The following NALCN variants were observed in gnomAD, a reference collection of about 807,000 sequenced individuals.
NALCN encodes sodium leak channel, non-selective.
NALCN carries 111 observed loss-of-function variants against 225.3 expected under a neutral mutation model. The observed-to-expected ratio is 0.49, with a 90% CI of 0.42 to 0.58. NALCN has a LOEUF of 0.58. NALCN is among the 20% of genes least tolerant of loss of function. The pLI, the probability that NALCN is intolerant of heterozygous loss-of-function variation, is 0.00. For synonymous variants in NALCN, 764 were observed against 769.0 expected (o/e 0.99, Z 0.11); for missense variants, 1,378 against 2,202.4 (o/e 0.63, Z 7.49).
upstream of NALCN, among the ~76,000 whole-genome samples, chr13:101,416,861 C>G (rs989568776): frequency 3.3e-5 from 5 of 152,042 alleles, no homozygotes; most frequent in African/African-American, 1.2e-4. Flanking sequence ...TGCCAGGAGG[C>G]CGGGAGCCCA....
intron 2 of NALCN, 75 bp downstream of exon 2, chr13:101,398,944 C>T (rs2047389477): frequency 2.1e-6 from 2 of 951,306 alleles, no homozygotes; most frequent in South Asian, 2.7e-5. Context: ...GCCAAAGGTA[C>T]ATGATATTTG....
At chr13:101,252,274 T>TTC (rs1449921803) in intron 11 of NALCN, among the ~76,000 whole-genome samples, 2 of 152,292 alleles carry the variant, frequency 1.3e-5, no homozygotes, top group East Asian at 3.9e-4. Context: ...TTCCTCTCTG[T>TTC]TCTCTGACTT....
At chr13:101,407,143 C>T (rs1180502382) in intron 1 of NALCN, among the ~76,000 whole-genome samples, 1 of 152,166 alleles carries the variant, frequency 6.6e-6, no homozygotes, top group Non-Finnish European at 1.5e-5. Context: ...TTGTAGTGCT[C>T]TCTGTTCTTC....
chr13:101,407,397 C>T (rs2139541531), intron 1 of NALCN, among the ~76,000 whole-genome samples: 1 of 152,262 alleles, frequency 6.6e-6, no homozygotes, highest in East Asian at 1.9e-4. Flanking sequence ...AAGTGACTTC[C>T]AATGATAAAA....
At chr13:101,332,590 T>G (rs2139241083) in intron 7 of NALCN, among the ~76,000 whole-genome samples, 1 of 152,192 alleles carries the variant, frequency 6.6e-6, no homozygotes, top group East Asian at 1.9e-4. Flanking sequence ...TTCAGAAAAG[T>G]ACACAGGAAG....
intron 7 of NALCN, among the ~76,000 whole-genome samples, chr13:101,334,299 T>C (rs534584768): frequency 1.4e-5 from 2 of 146,870 alleles, no homozygotes; most frequent in African/African-American, 5.2e-5. Context: ...AGATGAGTGC[T>C]GCTGGCAGAT....
At chr13:101,136,283 CG>C (rs2036781554) in intron 17 of NALCN, among the ~76,000 whole-genome samples, 1 of 131,054 alleles carries the variant, frequency 7.6e-6, no homozygotes, top group Non-Finnish European at 1.6e-5. Context: ...TTTTATAGTA[CG>C]CATCGTTTTA....
chr13:101,065,626 AAG>A, intron 39 of NALCN, 65 bp from the exon 40 acceptor site: 4 of 1,553,482 alleles, frequency 2.6e-6, no homozygotes, highest in Admixed American at 2.0e-5. Context: ...GGTTTCTCAA[AAG>A]AAAAAAAAAA....
chr13:101,059,700 C>T, intron 42 of NALCN, 118 bp downstream of exon 42: 12 of 810,614 alleles, frequency 1.5e-5, no homozygotes, highest in South Asian at 6.7e-5. Flanking sequence ...GAAAATATTC[C>T]TATTAGAAAT....
chr13:101,248,868 A>G (rs1816520095), intron 11 of NALCN, among the ~76,000 whole-genome samples: 1 of 152,164 alleles, frequency 6.6e-6, no homozygotes, highest in Non-Finnish European at 1.5e-5. Flanking sequence ...AAACTTGAGA[A>G]GGCTAGTGGA....
At chr13:101,155,754 T>C (rs185840834) in intron 15 of NALCN, among the ~76,000 whole-genome samples, 421 of 152,288 alleles carry the variant, frequency 2.8e-3, no homozygotes, top group African/African-American at 9.6e-3. Context: ...GGGTGGATGT[T>C]AAAGCTGCTA....
intron 15 of NALCN, among the ~76,000 whole-genome samples, chr13:101,169,382 A>G (rs1418650598): frequency 6.6e-6 from 1 of 152,210 alleles, no homozygotes; most frequent in East Asian, 1.9e-4. Context: ...AAATACTGGG[A>G]TACATGTGCA....
At chr13:101,112,068 G>A (rs1295302980) in intron 18 of NALCN, among the ~76,000 whole-genome samples, 1 of 152,028 alleles carries the variant, frequency 6.6e-6, no homozygotes, top group African/African-American at 2.4e-5. Flanking sequence ...GCAAAAATGA[G>A]TCATAAAGAG....
rs1191076355 is a variant in NALCN, at chr13:101,218,130, T to C, written c.1626+11263A>G. Among the ~76,000 whole-genome samples the C allele has an allele frequency of 9.2e-5, 13 of 140,628 alleles. 1 individual carries two copies. The highest frequency in any genetic ancestry group is 3.6e-4 in the African/African-American group (13 of 36,368). 92.3% of individuals were successfully genotyped at this position (140,628 alleles called of 152,430 possible). ...AAGTTTGCTGGAAGGAAAGGGATGA[T>C]AGAAAAGGTTTCCTGGTCCTAAGGA... On this transcript the variant is annotated intron_variant, in intron 13 of 43. Coordinates refer to ENST00000251127, the MANE Select transcript of NALCN (RefSeq NM_052867.4).
chr13:101,276,355 A>T (rs1209924627), intron 10 of NALCN, among the ~76,000 whole-genome samples: 1 of 152,340 alleles, frequency 6.6e-6, no homozygotes, highest in Admixed American at 6.5e-5. Flanking sequence ...GAAATGTCCT[A>T]GACAAATTAA....
intron 38 of NALCN, 42 bp from the exon 39 acceptor site, chr13:101,068,075 A>G (rs755899547): frequency 8.4e-7 from 1 of 1,184,964 alleles, no homozygotes; most frequent in Admixed American, 2.2e-5. Flanking sequence ...CCATTATGCT[A>G]ATCTGTCATA....
chr13:101,218,563 C>T (rs970230725), intron 13 of NALCN, among the ~76,000 whole-genome samples: 10 of 151,910 alleles, frequency 6.6e-5, no homozygotes, highest in African/African-American at 2.4e-4. Flanking sequence ...AATTGTAATC[C>T]CCAATATTGG....
chr13:101,152,335 G>A (rs908049760), intron 15 of NALCN, among the ~76,000 whole-genome samples: 2 of 152,194 alleles, frequency 1.3e-5, no homozygotes, highest in African/African-American at 2.4e-5. Flanking sequence ...TCGGAGGGGC[G>A]GATGCACTGG....
chr13:101,389,758 T>G (rs1389479209), intron 3 of NALCN, among the ~76,000 whole-genome samples: 2 of 152,174 alleles, frequency 1.3e-5, no homozygotes, highest in Non-Finnish European at 2.9e-5. Flanking sequence ...GATGAAGCCC[T>G]TGTAAAAACA....
Sources: gnomAD v4.1 joint callset for allele counts (sites outside exome capture counted in the v4.1 genomes callset) on GRCh38, gnomAD v4.1.1 for gene constraint, MANE v1.5 for transcripts, NCBI Gene and HGNC (gene_info 2026-07-23, HGNC 2026-07-21) for gene names.